The following PRDM16 variants were observed in gnomAD, a reference collection of about 807,000 sequenced individuals.
The protein encoded by PRDM16 is histone-lysine N-methyltransferase PRDM16.
A neutral mutation model predicts 110.6 loss-of-function variants in PRDM16; 23 were observed. The ratio of observed to expected loss-of-function variants is 0.21; its 90% CI spans 0.15 to 0.29. The LOEUF is 0.29. Ranked by LOEUF, PRDM16 falls within the 10% of genes least tolerant of loss-of-function variation. PRDM16 has a pLI of 1.00. For missense variants in PRDM16, 1,615 were observed against 1,794.3 expected, an observed-to-expected ratio of 0.90 and a Z score of 1.81; for synonymous variants, 799 against 781.8, an observed-to-expected ratio of 1.02 and a Z score of -0.37.
chr1:3,114,897 G>T (rs546345255), intron 1 of PRDM16, among the ~76,000 whole-genome samples: 6 of 152,252 alleles, frequency 3.9e-5, no homozygotes, highest in African/African-American at 1.2e-4. Flanking sequence ...TGCAGGATTC[G>T]CACTCAGCCC....
intron 1 of PRDM16, among the ~76,000 whole-genome samples, chr1:3,114,209 A>C (rs113429197): frequency 7.6e-6 from 1 of 131,456 alleles, no homozygotes; most frequent in Non-Finnish European, 1.6e-5. Context: ...GCACGCACAC[A>C]CGCACACGAA....
At chr1:3,367,168 C>T (rs1642830777) in intron 3 of PRDM16, among the ~76,000 whole-genome samples, 1 of 152,038 alleles carries the variant, frequency 6.6e-6, no homozygotes, top group African/African-American at 2.4e-5. Flanking sequence ...CCTGGGGAGG[C>T]TGAGGCAGGA....
intron 3 of PRDM16, among the ~76,000 whole-genome samples, chr1:3,248,502 A>G (rs1569922151): frequency 6.6e-6 from 1 of 152,070 alleles, no homozygotes. Flanking sequence ...GGGGACCTGG[A>G]AAAAAAACCC....
At chr1:3,361,833 G>A (rs1642719017) in intron 3 of PRDM16, among the ~76,000 whole-genome samples, 1 of 150,370 alleles carries the variant, frequency 6.7e-6, no homozygotes, top group Admixed American at 6.6e-5. Context: ...AGTGACTGTG[G>A]CCCAGGAGGG....
intron 2 of PRDM16, among the ~76,000 whole-genome samples, chr1:3,230,151 G>A (rs915218963): frequency 6.6e-6 from 1 of 152,196 alleles, no homozygotes; most frequent in Non-Finnish European, 1.5e-5. Context: ...CCAGTGTGCT[G>A]TCTAGCCGAG....
chr1:3,182,321 C>G (rs2651931), intron 1 of PRDM16, among the ~76,000 whole-genome samples: 1 of 152,076 alleles, frequency 6.6e-6, no homozygotes, highest in Non-Finnish European at 1.5e-5. Context: ...TAATCCCCCT[C>G]TGAGGGCACT....
At position 3,333,930 on chromosome 1, in the gene PRDM16, G is replaced by A. The variant is rs372378579; in HGVS notation, c.439-51222G>A. Among the ~76,000 whole-genome samples, 26 of 152,282 alleles carry A rather than the reference G, an allele frequency of 1.7e-4. No individual in the cohort carries two copies. In the South Asian group the frequency reaches 5.2e-3, roughly 30 times the overall value. On this transcript the variant is annotated intron_variant, in intron 3 of 16. Coordinates refer to ENST00000270722, the MANE Select transcript of PRDM16 (RefSeq NM_022114.4). ...GTAAAAGCTCCCTGAGGCCTCCCCT[G>A]AGCTGAGCTGATGCTGGTGCCATGC...
At chr1:3,347,430 T>A (rs1642383021) in intron 3 of PRDM16, among the ~76,000 whole-genome samples, 1 of 152,178 alleles carries the variant, frequency 6.6e-6, no homozygotes, top group Non-Finnish European at 1.5e-5. Flanking sequence ...GTGGTGCAGG[T>A]CCCACTGGCG....
rs894259108 is a variant in PRDM16 at position 3,265,612 on chromosome 1, A to T, written c.438+21475A>T. 2.6e-4 allele frequency among the ~76,000 whole-genome samples: 39 copies of T among 152,042 alleles called. No homozygotes were observed. The highest frequency in any genetic ancestry group is 9.2e-4 in the African/African-American group (38 of 41,374). On this transcript the variant is annotated intron_variant, in intron 3 of 16. Coordinates refer to ENST00000270722, the MANE Select transcript of PRDM16 (RefSeq NM_022114.4). The surrounding 1 kb of genome is among the most constrained non-coding windows in gnomAD (Gnocchi z 4.5). ...TGGGAGAGGGAGAAGCAGACCGCAGAGGCCCCTCTTGGGTCTGGGAGCTCC... is the reference window on the plus strand; with the variant it reads ...TGGGAGAGGGAGAAGCAGACCGCAGTGGCCCCTCTTGGGTCTGGGAGCTCC...
At chr1:3,122,033 G>A (rs902571679) in intron 1 of PRDM16, among the ~76,000 whole-genome samples, 4 of 152,244 alleles carry the variant, frequency 2.6e-5, no homozygotes, top group Non-Finnish European at 5.9e-5. Context: ...CGCACCCGGC[G>A]GAGTATGGAT....
At chr1:3,181,015 CAAATGCGGTCTT>C (rs1414614300) in intron 1 of PRDM16, among the ~76,000 whole-genome samples, 57 of 146,052 alleles carry the variant, frequency 3.9e-4, no homozygotes, top group Middle Eastern at 3.6e-3. Context: ...CGCGGTCTTA[CAAATGCGGTCTT>C]ACACGCGGTC....
At chr1:3,272,461 G>C (rs1290826831) in intron 3 of PRDM16, among the ~76,000 whole-genome samples, 1 of 152,160 alleles carries the variant, frequency 6.6e-6, no homozygotes, top group Non-Finnish European at 1.5e-5. Context: ...ACGGCGGCTA[G>C]AGTCGTGCAG....
intron 1 of PRDM16, among the ~76,000 whole-genome samples, chr1:3,089,485 G>A (rs1372238935): frequency 1.3e-5 from 2 of 152,270 alleles, no homozygotes; most frequent in Non-Finnish European, 2.9e-5. Flanking sequence ...AAACTTCTCA[G>A]AGCACAGTAG....
chr1:3,291,394 G>A (rs977085022), intron 3 of PRDM16, among the ~76,000 whole-genome samples: 1 of 152,190 alleles, frequency 6.6e-6, no homozygotes, highest in Non-Finnish European at 1.5e-5. Context: ...CAGGGGCCAG[G>A]TAGCTGCCAT....
chr1:3,389,678 G>C (rs1402271220), intron 4 of PRDM16, among the ~76,000 whole-genome samples: 2 of 152,212 alleles, frequency 1.3e-5, no homozygotes, highest in Non-Finnish European at 2.9e-5. Context: ...CACGGCCAAG[G>C]GCACACTGGC....
chr1:3,124,268 A>G lies in PRDM16; in HGVS notation c.37+54972A>G, dbSNP rs577605380. On this transcript the variant is annotated intron_variant, in intron 1 of 16. Coordinates refer to ENST00000270722, the MANE Select transcript of PRDM16 (RefSeq NM_022114.4). The stretch of plus-strand genomic sequence containing the variant: ...CAGTGGGGACAAGACTTAGATGTTA[A>G]TTTTAAAATGAAAAGGGAAAGGCCA... Among the ~76,000 whole-genome samples, 146 of 152,284 alleles carry G rather than the reference A, an allele frequency of 9.6e-4. 1 individual carries two copies. Among genetic ancestry groups the G allele is most frequent in the African/African-American group, 3.2e-3 (135 of 41,558 alleles).
At chr1:3,093,638 G>A (rs971279561) in intron 1 of PRDM16, among the ~76,000 whole-genome samples, 29 of 152,262 alleles carry the variant, frequency 1.9e-4, no homozygotes, top group African/African-American at 6.0e-4. Flanking sequence ...ATGAGTTCTC[G>A]GAGGCTGCAT....
intron 3 of PRDM16, among the ~76,000 whole-genome samples, chr1:3,324,013 G>A (rs1167059605): frequency 6.6e-6 from 1 of 152,220 alleles, no homozygotes; most frequent in Admixed American, 6.5e-5. Flanking sequence ...GCTTGCAGGG[G>A]TGGGGGCTGC....
At chr1:3,403,605 C>T (rs1222779874) in intron 6 of PRDM16, among the ~76,000 whole-genome samples, 12 of 152,230 alleles carry the variant, frequency 7.9e-5, no homozygotes, top group African/African-American at 2.9e-4. Context: ...CACGGTGGCC[C>T]TCCCCTGCCC....
Sources: gnomAD v4.1 joint callset for allele counts (sites outside exome capture counted in the v4.1 genomes callset) on GRCh38, gnomAD v4.1.1 for gene constraint, Gnocchi (gnomAD v3.1) non-coding constraint, MANE v1.5 for transcripts, NCBI Gene and HGNC (gene_info 2026-07-23, HGNC 2026-07-21) for gene names.